ZFHX2: variants seen among roughly 807,000 people sequenced by gnomAD.
ZFHX2 encodes the protein zinc finger homeobox protein 2.
In ZFHX2, 75 loss-of-function variants were observed where a neutral mutation model predicts 164.8. The ratio of observed to expected loss-of-function variants is 0.46; its 90% CI spans 0.38 to 0.55. ZFHX2 has a LOEUF of 0.55. ZFHX2 is among the 20% of genes least tolerant of loss of function. The pLI, the probability that ZFHX2 is intolerant of heterozygous loss-of-function variation, is 0.00. For synonymous variants in ZFHX2, 1,217 were observed against 1,351.4 expected (o/e 0.90, Z 2.18); for missense variants, 2,933 against 3,308.0 (o/e 0.89, Z 2.78).
chr14:23,550,432 C>T (rs924565488), intron 1 of ZFHX2, among the ~76,000 whole-genome samples: 8 of 152,190 alleles, frequency 5.3e-5, no homozygotes, highest in African/African-American at 1.7e-4. Flanking sequence ...AACAGGCAGC[C>T]AAGGCGTGAC....
At chr14:23,536,023 C>G (rs946962669) in intron 1 of ZFHX2, among the ~76,000 whole-genome samples, 13 of 152,184 alleles carry the variant, frequency 8.5e-5, no homozygotes, top group Non-Finnish European at 1.9e-4. Context: ...CTGGACATAT[C>G]CACTTCAACA....
Position 23,526,099 on chromosome 14 carries a change from A to G in ZFHX2, c.3843T>C (p.Thr1281=), listed in dbSNP as rs890303448. ...GTTCTGGCCCTTCAATCTTGGAATC[A>G]GTCTTGGTTCCCCGAGAGCGAGTCT... ...LHQTRSRGTK[T]DSKIEGPERS... Residue 1281 remains threonine, a synonymous_variant, in exon 9 of 10, where the codon ACT becomes ACC. Transcript: ENST00000419474. The G allele has an allele frequency of 6.5e-7, 1 of 1,536,398 alleles. No individual in the cohort carries two copies.
rs927242064 is a variant in ZFHX2 at position 23,532,743 on chromosome 14, C to G, written c.2383G>C (p.Gly795Arg). The G allele has an allele frequency of 1.6e-5, 25 of 1,535,990 alleles. 1 individual carries two copies. The highest frequency in any genetic ancestry group is 2.2e-5 in the Non-Finnish European group (25 of 1,146,870). The change falls in exon 3 of 10, where the codon GGG becomes CGG. Residue 795 changes from glycine (G) to arginine (R), a missense_variant. Gly to Arg is a moderately radical substitution (Grantham distance 125). Transcript: ENST00000419474. The stretch of plus-strand genomic sequence containing the variant: ...GAAGGGGTGCCCATGGCTCCACCCC[C>G]CTCCCGCAGGTGGGCTGCCAGCTGG... ...KYQLAAHLRE[G>R]GGAMGTPSPA...
At position 23,534,048 on chromosome 14, in the gene ZFHX2, G is replaced by A; in HGVS notation, c.1278C>T (p.Thr426=). 1 of 1,533,792 alleles carries A rather than the reference G, an allele frequency of 6.5e-7. No individual in the cohort carries two copies. Among genetic ancestry groups the A allele is most frequent in the Non-Finnish European group, 8.7e-7 (1 of 1,144,766 alleles). The change falls in exon 2 of 10, where the codon ACC becomes ACT. Residue 426 remains threonine (T), a synonymous_variant. Transcript: ENST00000419474. This position sits in a 1 kb window ranked among gnomAD's most constrained non-coding sequence, Gnocchi z 4.5. The part of the protein sequence containing the change: ...PQPYRLADDY[T]PAPAAFQGLS... ...GGCCCTGGAAGGCTGCAGGGGCTGGGGTGTAGTCATCAGCTAGGCGATAGG... is the reference window on the plus strand; with the variant it reads ...GGCCCTGGAAGGCTGCAGGGGCTGGAGTGTAGTCATCAGCTAGGCGATAGG...
chr14:23,534,334 T>C lies in ZFHX2; in HGVS notation c.992A>G (p.Gln331Arg). Residue 331 changes from glutamine to arginine, a missense_variant, in exon 2 of 10, where the codon CAG becomes CGG. Coordinates refer to ENST00000419474, the MANE Select transcript of ZFHX2 (RefSeq NM_033400.3). This position sits in a 1 kb window ranked among gnomAD's most constrained non-coding sequence, Gnocchi z 4.5. ...TEDGPPEAEV[Q>R]ALILLDEEVM... Reference sequence around the variant, plus strand: ...TTCTTCATCCAGGAGGATAAGGGCCTGGACTTCTGCCTCAGGGGGGCCATC... The same window carrying C: ...TTCTTCATCCAGGAGGATAAGGGCCCGGACTTCTGCCTCAGGGGGGCCATC... The C allele has an allele frequency of 1.3e-6, 2 of 1,536,630 alleles. No individual in the cohort carries two copies. The highest frequency in any genetic ancestry group is 1.7e-6 in the Non-Finnish European group (2 of 1,146,992).
At chr14:23,536,558 T>C (rs1451803257) in intron 1 of ZFHX2, among the ~76,000 whole-genome samples, 2 of 152,210 alleles carry the variant, frequency 1.3e-5, no homozygotes, top group Non-Finnish European at 2.9e-5. Context: ...GTAATAATAT[T>C]ACTAATAGTT....
In ZFHX2 at chr14:23,533,461, C is replaced by G. The variant is rs967790568; in HGVS notation, c.1865G>C (p.Gly622Ala). The G allele has an allele frequency of 6.5e-7, 1 of 1,534,978 alleles. No homozygotes were observed. The highest frequency in any genetic ancestry group is 2.0e-5 in the Admixed American group (1 of 50,962). ...LMGPGPPPPP[G>A]ATPTSPPELF... ...TTCAGGGGGGCTAGTGGGGGTAGCC[C>G]CTGGTGGGGGAGGAGGGCCTGGCCC... Residue 622 changes from glycine to alanine, a missense_variant, in exon 2 of 10, where the codon GGG becomes GCG. By Grantham distance (60) the Gly-to-Ala change is moderately conservative. Transcript: ENST00000419474. This position sits in a 1 kb window ranked among gnomAD's most constrained non-coding sequence, Gnocchi z 4.8.
In ZFHX2 at chr14:23,534,790, T is replaced by G; in HGVS notation, c.536A>C (p.Gln179Pro). 1 of 1,536,096 alleles carries G rather than the reference T, an allele frequency of 6.5e-7. No individual in the cohort carries two copies. Among genetic ancestry groups the G allele is most frequent in the Non-Finnish European group, 8.7e-7 (1 of 1,146,888 alleles). ...AATTTGGTCAGAAGAGCTAAAGCCT[T>G]GGATTGGGTCAAAGCCATGTTGGAT... Reference protein sequence around the residue: ...LHIQHGFDPIQGFSSSDQILS... With the variant: ...LHIQHGFDPIPGFSSSDQILS... The change falls in exon 2 of 10, where the codon CAA becomes CCA. Residue 179 changes from glutamine (Q) to proline (P), a missense_variant. Physicochemically the swap from Gln to Pro is moderately conservative, Grantham distance 76. Coordinates refer to ENST00000419474, the MANE Select transcript of ZFHX2 (RefSeq NM_033400.3). The surrounding 1 kb of genome is among the most constrained non-coding windows in gnomAD (Gnocchi z 4.5).
chr14:23,555,689 C>A (rs947309316), upstream of ZFHX2: 3 of 150,968 alleles, frequency 2.0e-5, no homozygotes, highest in African/African-American at 7.3e-5. Flanking sequence ...TCCCTCCCCC[C>A]ACCCCAACCC....
rs1220848089 is a variant in ZFHX2 at position 23,523,796 on chromosome 14, G to A, written c.6146C>T (p.Thr2049Ile). ...AGTCCCACCTCCAGGTCCCCCACTG[G>A]TCCCTCCAGCCCCAGGGGATTCTGG... ...AEPESPGAGGTSGGPGGGTGV... is the reference protein window; with the variant it reads ...AEPESPGAGGISGGPGGGTGV... The change falls in exon 9 of 10, where the codon ACC (threonine) becomes ATC (isoleucine). Residue 2049 changes from threonine to isoleucine, a missense_variant. By Grantham distance (89) the Thr-to-Ile change is moderately conservative. Coordinates refer to ENST00000419474, the MANE Select transcript of ZFHX2 (RefSeq NM_033400.3). This position sits in a 1 kb window ranked among gnomAD's most constrained non-coding sequence, Gnocchi z 4.1. The A allele has an allele frequency of 2.0e-6, 3 of 1,536,102 alleles. No homozygotes were observed. Among genetic ancestry groups the A allele is most frequent in the African/African-American group, 2.7e-5 (2 of 73,028 alleles).
rs34302980 is a variant in ZFHX2, at chr14:23,540,364, C to CT, written c.-49-4991dup. 2.0e-5 allele frequency among the ~76,000 whole-genome samples: 3 copies of CT among 152,140 alleles called. No homozygotes were observed. In the East Asian group the frequency reaches 5.8e-4, roughly 29 times the overall value. Reference sequence around the variant, plus strand: ...TTTCCCTTAGAGTCAATTTTAGGACCTTTTTTTAAAAATTCCTCTCTTAAA... The same window carrying CT: ...TTTCCCTTAGAGTCAATTTTAGGACCTTTTTTTTAAAAATTCCTCTCTTAAA... On this transcript the variant is annotated intron_variant, in intron 1 of 9. Coordinates refer to ENST00000419474, the MANE Select transcript of ZFHX2 (RefSeq NM_033400.3).
intron 9 of ZFHX2, 33 bp from the exon 10 acceptor site, chr14:23,522,974 C>T: frequency 1.4e-6 from 2 of 1,432,888 alleles, no homozygotes; most frequent in East Asian, 5.0e-5. Flanking sequence ...GAAGGATTAG[C>T]CATCTCCTGT....
intron 1 of ZFHX2, chr14:23,548,260 C>T: frequency 6.6e-6 from 1 of 152,288 alleles, no homozygotes; most frequent in Middle Eastern, 3.2e-3. Context: ...GTTCCTTCCT[C>T]TTGCTACTGT....
At position 23,531,385 on chromosome 14, in the gene ZFHX2, C is replaced by T. The variant is rs143435659; in HGVS notation, c.2800+96G>A. On this transcript the variant is annotated intron_variant, in intron 4 of 9. Coordinates refer to ENST00000419474, the MANE Select transcript of ZFHX2 (RefSeq NM_033400.3). ...GTATAGGTGGCCTACAGGCCCTCTT[C>T]GCCTTCCTTGTATCTCTAACTCCGC... 124 of 1,328,700 alleles carry T rather than the reference C, an allele frequency of 9.3e-5. No individual in the cohort carries two copies. The African/African-American group carries it at 1.3e-3, about 14-fold the overall frequency. The allele number at this position is 1,328,700 out of a possible 1,614,324, so 82.3% of individuals were successfully genotyped here. A position where few individuals can be genotyped will look rare whatever the true frequency, so the allele number is the denominator to read the frequency against.
In ZFHX2 at chr14:23,531,591, G is replaced by A; in HGVS notation, c.2690C>T (p.Ala897Val). 1 of 1,526,494 alleles carries A rather than the reference G, an allele frequency of 6.6e-7. No homozygotes were observed. The highest frequency in any genetic ancestry group is 8.8e-7 in the Non-Finnish European group (1 of 1,141,246). 94.6% of individuals were successfully genotyped at this position (1,526,494 alleles called of 1,614,324 possible). The change falls in exon 4 of 10, where the codon GCC (alanine) becomes GTC (valine). Residue 897 changes from alanine (A) to valine (V), a missense_variant. Physicochemically the swap from Ala to Val is moderately conservative, Grantham distance 64 (BLOSUM62 0). Transcript: ENST00000419474. ...QHLRTPAHRDAQAQRRLQLLQ... is the reference protein window; with the variant it reads ...QHLRTPAHRDVQAQRRLQLLQ... The stretch of plus-strand genomic sequence containing the variant: ...CAGCTGCAGACGCCTCTGGGCCTGG[G>A]CATCGCGGTGGGCAGGTGTGCGCAG...
intron 6 of ZFHX2, 167 bp downstream of exon 6, chr14:23,529,543 G>A (rs920284499): frequency 1.0e-5 from 7 of 690,436 alleles, no homozygotes; most frequent in African/African-American, 5.3e-5. Flanking sequence ...CTCTGCCCCC[G>A]AAAGTGCTGA....
chr14:23,524,885 A>G lies in ZFHX2; in HGVS notation c.5057T>C (p.Val1686Ala). 2 of 1,536,302 alleles carry G rather than the reference A, an allele frequency of 1.3e-6. No homozygotes were observed. The highest frequency in any genetic ancestry group is 2.4e-5 in the South Asian group (2 of 84,050). ...ATCATAGCACTTCTTGAGGTGGCGC[A>G]CCAACTCAAAAACACAGGAGAAAGT... ...HATFSCVFEL[V>A]RHLKKCYDDQ... Residue 1686 changes from valine to alanine, a missense_variant, in exon 9 of 10, where the codon GTG becomes GCG. Val to Ala is a moderately conservative substitution (Grantham distance 64). Coordinates refer to ENST00000419474, the MANE Select transcript of ZFHX2 (RefSeq NM_033400.3). The surrounding 1 kb of genome is among the most constrained non-coding windows in gnomAD (Gnocchi z 5.6).
chr14:23,555,507 A>G (rs1286528155), upstream of ZFHX2, among the ~76,000 whole-genome samples: 2 of 152,168 alleles, frequency 1.3e-5, no homozygotes, highest in Admixed American at 1.3e-4. Context: ...TAGGTCTCCA[A>G]CTGTTGAAAT....
At chr14:23,540,498 G>C (rs1357521796) in intron 1 of ZFHX2, among the ~76,000 whole-genome samples, 1 of 152,200 alleles carries the variant, frequency 6.6e-6, no homozygotes, top group African/African-American at 2.4e-5. Context: ...AGAAGGGGAA[G>C]AGAAACAGGA....
Sources: gnomAD v4.1 joint callset for allele counts (sites outside exome capture counted in the v4.1 genomes callset) on GRCh38, gnomAD v4.1.1 for gene constraint, Gnocchi (gnomAD v3.1) non-coding constraint, MANE v1.5 for transcripts, NCBI Gene and HGNC (gene_info 2026-07-23, HGNC 2026-07-21) for gene names.